Variants in PPID observed in about 807,000 individuals in gnomAD.
PPID encodes peptidyl-prolyl cis-trans isomerase D.
Under a neutral mutation model 48.1 loss-of-function variants are expected in PPID, and 47 were observed. That is an observed-to-expected ratio of 0.98 (90% confidence interval 0.77 to 1.25). The LOEUF (loss-of-function observed/expected upper bound fraction) is 1.25. Ranked by LOEUF, PPID falls within the 50% of genes most tolerant of loss-of-function variation. The probability of loss-of-function intolerance (pLI) is 0.00; values close to 1 mark genes in which losing one functional copy is unlikely to be tolerated. For missense variants in PPID, 429 were observed against 443.5 expected, an observed-to-expected ratio of 0.97 and a Z score of 0.29; for synonymous variants, 163 against 148.8, an observed-to-expected ratio of 1.10 and a Z score of -0.69.
chr4:158,714,059 A>G (rs1580430029), intron 6 of PPID, among the ~76,000 whole-genome samples: 1 of 152,306 alleles, frequency 6.6e-6, no homozygotes, highest in East Asian at 1.9e-4. Context: ...CCACAGGTCT[A>G]TAGTGATACT....
intron 9 of PPID, 162 bp downstream of exon 9, chr4:158,710,466 G>A: frequency 1.4e-6 from 1 of 698,484 alleles, no homozygotes; most frequent in Admixed American, 2.7e-5. Context: ...CAGGGACTTT[G>A]ACTGTCTTGT....
Position 158,715,311 on chromosome 4 carries a change from A to G in PPID, c.738T>C (p.Tyr246=). 2 of 1,513,650 alleles carry G rather than the reference A, an allele frequency of 1.3e-6. No individual in the cohort carries two copies. 93.8% of individuals were successfully genotyped at this position (1,513,650 alleles called of 1,614,324 possible). ...SQNWEMAIKK[Y]AEVLRYVDSS... ...AATAATATTACCTTAAAACTTCTGC[A>G]TATTTTTTAATAGCCATCTCCCAGT... The change falls in exon 6 of 10, where the codon TAT becomes TAC. Residue 246 remains tyrosine (Y), a synonymous_variant. Transcript: ENST00000307720.
At position 158,717,121 on chromosome 4, in the gene PPID, G is replaced by A; in HGVS notation, c.413C>T (p.Pro138Leu). Residue 138 changes from proline to leucine, a missense_variant, in exon 4 of 10, where the codon CCA (proline) becomes CTA (leucine). Transcript: ENST00000307720. ...ATGTTTCCCATCCAAATGAGGAGTT[G>A]GAACTGTTGTGATAAAAAACTGAGA... ...NGSQFFITTV[P>L]TPHLDGKHVV... 1 of 1,614,078 alleles carries A rather than the reference G, an allele frequency of 6.2e-7. No individual in the cohort carries two copies. Among genetic ancestry groups the A allele is most frequent in the Non-Finnish European group, 8.5e-7 (1 of 1,179,950 alleles).
At chr4:158,713,895 G>A (rs979205837) in intron 6 of PPID, among the ~76,000 whole-genome samples, 4 of 152,042 alleles carry the variant, frequency 2.6e-5, no homozygotes, top group Non-Finnish European at 5.9e-5. Context: ...ACTAACAAAC[G>A]GAATTGAAAA....
chr4:158,713,485 A>G (rs921091628), intron 6 of PPID, among the ~76,000 whole-genome samples: 1 of 152,202 alleles, frequency 6.6e-6, no homozygotes, highest in African/African-American at 2.4e-5. Context: ...CCCAAATCTA[A>G]TTATGCACTA....
intron 1 of PPID, among the ~76,000 whole-genome samples, chr4:158,721,923 G>A (rs1357170979): frequency 2.6e-5 from 4 of 152,086 alleles, no homozygotes; most frequent in East Asian, 3.9e-4. Context: ...GTACTCCACT[G>A]TGCACATATA....
intron 7 of PPID, among the ~76,000 whole-genome samples, chr4:158,711,506 C>A (rs1250951943): frequency 6.6e-6 from 1 of 152,098 alleles, no homozygotes; most frequent in Non-Finnish European, 1.5e-5. Flanking sequence ...GAATTACAGG[C>A]ATGAACCACC....
chr4:158,717,232 G>A, intron 3 of PPID, 32 bp from the exon 4 acceptor site: 1 of 1,569,954 alleles, frequency 6.4e-7, no homozygotes, highest in East Asian at 2.2e-5. Context: ...GAAAACCAAG[G>A]TTAGATGTGT....
intron 5 of PPID, 65 bp downstream of exon 5, chr4:158,715,497 C>T: frequency 6.3e-7 from 1 of 1,577,182 alleles, no homozygotes; most frequent in Non-Finnish European, 8.7e-7. Flanking sequence ...AAAGCTCAAA[C>T]TTTTAGTACT....
chr4:158,713,501 A>C (rs1260705252), intron 6 of PPID, among the ~76,000 whole-genome samples: 1 of 152,140 alleles, frequency 6.6e-6, no homozygotes, highest in Non-Finnish European at 1.5e-5. Context: ...CACTAGTAAC[A>C]CTTTTCTATT....
At chr4:158,716,703 TAATC>T (rs1283468583) in intron 4 of PPID, among the ~76,000 whole-genome samples, 7 of 152,190 alleles carry the variant, frequency 4.6e-5, no homozygotes, top group Non-Finnish European at 7.3e-5. Context: ...CTCATGCCTG[TAATC>T]CCAGCACTTT....
chr4:158,717,969 T>G (rs1259540250), intron 3 of PPID, among the ~76,000 whole-genome samples: 1 of 152,222 alleles, frequency 6.6e-6, no homozygotes, highest in East Asian at 1.9e-4. Flanking sequence ...TCTCATGTTA[T>G]ATAATGTTTC....
At chr4:158,716,805 G>GA (rs1190755933) in intron 4 of PPID, among the ~76,000 whole-genome samples, 2 of 151,952 alleles carry the variant, frequency 1.3e-5, no homozygotes, top group Non-Finnish European at 2.9e-5. Flanking sequence ...TAAAAATACA[G>GA]AAAAAATTAG....
chr4:158,713,016 A>T, intron 7 of PPID, 103 bp downstream of exon 7: 1 of 1,202,374 alleles, frequency 8.3e-7, no homozygotes, highest in Non-Finnish European at 1.2e-6. Context: ...AAGCCTCATT[A>T]GGTCCTATGC....
In PPID at chr4:158,709,515, G is replaced by C; in HGVS notation, c.*221C>G. The C allele has an allele frequency of 2.8e-6, 1 of 359,676 alleles. No individual in the cohort carries two copies. The highest frequency in any genetic ancestry group is 5.7e-5 in the South Asian group (1 of 17,656). 22.3% of individuals were successfully genotyped at this position (359,676 alleles called of 1,614,324 possible). The stretch of plus-strand genomic sequence containing the variant: ...CCACCGCACTCCAGCCTGGGTGACA[G>C]AGCAAGACTCCATCTCAAAGAAACA... On this transcript the variant is annotated 3_prime_UTR_variant, in exon 10 of 10. Transcript: ENST00000307720.
intron 3 of PPID, among the ~76,000 whole-genome samples, chr4:158,718,830 G>A (rs1197934402): frequency 1.3e-5 from 2 of 152,096 alleles, no homozygotes; most frequent in Non-Finnish European, 2.9e-5. Flanking sequence ...TATTAGTGAT[G>A]GTTTTGTTGC....
chr4:158,711,639 C>G (rs976279702), intron 7 of PPID, among the ~76,000 whole-genome samples: 9 of 152,082 alleles, frequency 5.9e-5, no homozygotes, highest in Non-Finnish European at 1.2e-4. Flanking sequence ...CTTTTAATGG[C>G]CAATACTCAG....
intron 3 of PPID, among the ~76,000 whole-genome samples, chr4:158,717,462 A>T (rs1774891656): frequency 6.6e-6 from 1 of 152,216 alleles, no homozygotes; most frequent in Non-Finnish European, 1.5e-5. Flanking sequence ...TAAATAGGTA[A>T]CAGAAACAAT....
At chr4:158,723,013 T>C (rs760979540) in intron 1 of PPID, among the ~76,000 whole-genome samples, 191 bp downstream of exon 1, 6 of 152,194 alleles carry the variant, frequency 3.9e-5, no homozygotes, top group Admixed American at 6.5e-5. Flanking sequence ...ACCGATGGCA[T>C]TGATACAAGG....
Sources: gnomAD v4.1 joint callset for allele counts (sites outside exome capture counted in the v4.1 genomes callset) on GRCh38, gnomAD v4.1.1 for gene constraint, MANE v1.5 for transcripts, NCBI Gene and HGNC (gene_info 2026-07-23, HGNC 2026-07-21) for gene names.